GRB14: variants seen among roughly 807,000 people sequenced by gnomAD.
The protein encoded by GRB14 is growth factor receptor bound protein 14.
GRB14 carries 38 observed loss-of-function variants against 69.1 expected under a neutral mutation model. That is an observed-to-expected ratio of 0.55 (90% CI 0.42 to 0.72). The LOEUF (loss-of-function observed/expected upper bound fraction) is 0.72. Among genes scored for constraint, GRB14 ranks in the 30% least tolerant of loss-of-function variants. The probability of loss-of-function intolerance (pLI) is 0.00; values close to 1 mark genes in which losing one functional copy is unlikely to be tolerated. For synonymous variants in GRB14, 247 were observed against 241.3 expected (o/e 1.02, Z -0.22); for missense variants, 666 against 666.1 (o/e 1.00, Z 0.00).
At chr2:164,602,883 T>C (rs1237339309) in intron 2 of GRB14, among the ~76,000 whole-genome samples, 1 of 152,160 alleles carries the variant, frequency 6.6e-6, no homozygotes, top group African/African-American at 2.4e-5. Context: ...CAAAGATATG[T>C]TATTTGAAGC....
At chr2:164,514,806 T>G (rs1437819452) in intron 6 of GRB14, among the ~76,000 whole-genome samples, 1 of 152,134 alleles carries the variant, frequency 6.6e-6, no homozygotes, top group African/African-American at 2.4e-5. Flanking sequence ...GGAGGCTGGT[T>G]GCCTGAGGCA....
At chr2:164,522,586 T>C (rs1206850752) in intron 5 of GRB14, among the ~76,000 whole-genome samples, 3 of 152,152 alleles carry the variant, frequency 2.0e-5, no homozygotes, top group Non-Finnish European at 4.4e-5. Flanking sequence ...AACTTCATTA[T>C]GGTATAAGTA....
chr2:164,581,034 C>G (rs1521522), intron 2 of GRB14, among the ~76,000 whole-genome samples: 64,323 of 152,114 alleles, frequency 0.42, 15,976 homozygotes, highest in Non-Finnish European at 0.56. Flanking sequence ...CCTCTTCCCT[C>G]AAACAAGTGA....
At chr2:164,552,153 CA>C (rs1559047514) in intron 2 of GRB14, among the ~76,000 whole-genome samples, 3 of 152,216 alleles carry the variant, frequency 2.0e-5, no homozygotes, top group African/African-American at 7.2e-5. Flanking sequence ...CCCCATGACC[CA>C]AACACCTCCT....
chr2:164,538,001 T>TAA (rs528234467), intron 3 of GRB14, among the ~76,000 whole-genome samples: 7 of 144,798 alleles, frequency 4.8e-5, no homozygotes, highest in South Asian at 2.2e-4. Flanking sequence ...CTTCCTTTGT[T>TAA]AAAAAAAAAA....
chr2:164,533,656 GA>G (rs1688010002), intron 3 of GRB14, among the ~76,000 whole-genome samples: 3 of 152,160 alleles, frequency 2.0e-5, no homozygotes, highest in Non-Finnish European at 4.4e-5. Flanking sequence ...CAAATCATTT[GA>G]ATTTGGACTG....
chr2:164,508,825 C>T lies in GRB14; in HGVS notation c.844G>A (p.Glu282Lys). The T allele has an allele frequency of 5.1e-6, 8 of 1,569,570 alleles. No homozygotes were observed. Among genetic ancestry groups the T allele is most frequent in the East Asian group, 2.3e-5 (1 of 44,070 alleles). ...KEPRHLQFFS[E>K]FGNSDIYVSL... Reference sequence around the variant, plus strand: ...ACATAAATATCACTATTGCCAAATTCGCTGAAAAACTGCAAATGCCGCGGT... The same window carrying T: ...ACATAAATATCACTATTGCCAAATTTGCTGAAAAACTGCAAATGCCGCGGT... Residue 282 changes from glutamate (E) to lysine (K), a missense_variant, in exon 7 of 14, where the codon GAA becomes AAA. By Grantham distance (56) the Glu-to-Lys change is moderately conservative. Coordinates refer to ENST00000263915, the MANE Select transcript of GRB14 (RefSeq NM_004490.3).
intron 2 of GRB14, among the ~76,000 whole-genome samples, chr2:164,588,258 GC>G (rs1374816334): frequency 6.6e-6 from 1 of 152,138 alleles, no homozygotes. Flanking sequence ...ATATTGCCCA[GC>G]CAAGGGTGGG....
In GRB14 at chr2:164,585,977, T is replaced by C. The variant is rs549924250; in HGVS notation, c.324+33710A>G. Among the ~76,000 whole-genome samples, 93 of 152,350 alleles carry C rather than the reference T, an allele frequency of 6.1e-4. 1 individual carries two copies. Among genetic ancestry groups the C allele is most frequent in the Admixed American group, 2.5e-3 (38 of 15,298 alleles). ...CTGTTAGACCTTAGTAGATCACAGA[T>C]GAACATGACATAGATTATGCCTTAA... is the stretch of plus-strand genomic sequence containing the variant. On this transcript the variant is annotated intron_variant, in intron 2 of 13. Coordinates refer to ENST00000263915, the MANE Select transcript of GRB14 (RefSeq NM_004490.3).
intron 6 of GRB14, among the ~76,000 whole-genome samples, chr2:164,519,347 A>T (rs1219790067): frequency 6.6e-6 from 1 of 152,188 alleles, no homozygotes; most frequent in Non-Finnish European, 1.5e-5. Flanking sequence ...ATTGGCATAG[A>T]AGGACATACC....
intron 2 of GRB14, among the ~76,000 whole-genome samples, chr2:164,605,409 C>T (rs1202668585): frequency 6.6e-6 from 1 of 152,036 alleles, no homozygotes; most frequent in Non-Finnish European, 1.5e-5. Context: ...GTCTATGGAC[C>T]GTATAAATGA....
chr2:164,542,401 G>A (rs1688264791), intron 3 of GRB14, among the ~76,000 whole-genome samples: 1 of 152,004 alleles, frequency 6.6e-6, no homozygotes, highest in Non-Finnish European at 1.5e-5. Context: ...ATAGACAAGT[G>A]GAACCTAATT....
Position 164,497,230 on chromosome 2 carries a change from C to T in GRB14, c.1275G>A (p.Gln425=). 1 of 1,613,782 alleles carries T rather than the reference C, an allele frequency of 6.2e-7. No individual in the cohort carries two copies. Among genetic ancestry groups the T allele is most frequent in the South Asian group, 1.1e-5 (1 of 91,064 alleles). Residue 425 remains glutamine (Q), a synonymous_variant, in exon 11 of 14, where the codon CAG becomes CAA. Coordinates refer to ENST00000263915, the MANE Select transcript of GRB14 (RefSeq NM_004490.3). ...ACATACCCATGTTTGTGGCAGAGCT[C>T]TGTGAAGAGGCAGTGGGGCTACCGT... ...GTHGSPTASS[Q]SSATNMAIHR...
intron 2 of GRB14, among the ~76,000 whole-genome samples, chr2:164,550,185 C>T (rs1688499926): frequency 6.6e-6 from 1 of 152,130 alleles, no homozygotes; most frequent in African/African-American, 2.4e-5. Flanking sequence ...TAGAATGTTA[C>T]ACTTCCTGGC....
chr2:164,595,888 G>A (rs564503428), intron 2 of GRB14, among the ~76,000 whole-genome samples: 2 of 152,252 alleles, frequency 1.3e-5, no homozygotes, highest in East Asian at 3.9e-4. Flanking sequence ...CACTTTGGGA[G>A]GCCAAGGCGG....
chr2:164,504,413 A>C (rs945256995), intron 8 of GRB14, among the ~76,000 whole-genome samples: 1 of 152,172 alleles, frequency 6.6e-6, no homozygotes, highest in African/African-American at 2.4e-5. Flanking sequence ...TCCCAGCTGC[A>C]CCAGCCAGGG....
At chr2:164,605,917 A>G (rs974506822) in intron 2 of GRB14, among the ~76,000 whole-genome samples, 1 of 152,194 alleles carries the variant, frequency 6.6e-6, no homozygotes, top group South Asian at 2.1e-4. Context: ...TGAAAACTAC[A>G]CTAGCACTTC....
chr2:164,610,477 A>G (rs1050979549), intron 2 of GRB14, among the ~76,000 whole-genome samples: 2 of 152,124 alleles, frequency 1.3e-5, no homozygotes, highest in Admixed American at 6.5e-5. Flanking sequence ...TACTTTTAAA[A>G]TCCACTTAGT....
intron 3 of GRB14, among the ~76,000 whole-genome samples, chr2:164,538,980 CAG>C (rs1688159317): frequency 6.6e-6 from 1 of 151,994 alleles, no homozygotes; most frequent in African/African-American, 2.4e-5. Flanking sequence ...TAGAGTGAGA[CAG>C]AGGCAAACCG....
Sources: allele counts gnomAD v4.1 joint callset (sites outside exome capture counted in the v4.1 genomes callset), GRCh38; gene constraint gnomAD v4.1.1; transcripts MANE v1.5; gene names NCBI Gene and HGNC (gene_info 2026-07-23, HGNC 2026-07-21).